Variants in ENOSF1 observed in about 807,000 individuals in gnomAD.
The protein encoded by ENOSF1 is mitochondrial enolase superfamily member 1.
ENOSF1 carries 73 observed loss-of-function variants against 68.2 expected under a neutral mutation model. The ratio of observed to expected loss-of-function variants is 1.07; its 90% CI spans 0.89 to 1.30. ENOSF1 has a LOEUF of 1.30. ENOSF1 is among the 50% of genes most tolerant of loss of function. ENOSF1 has a pLI of 0.00. For missense variants in ENOSF1, 589 were observed against 554.5 expected (o/e 1.06, Z -0.62); for synonymous variants, 223 against 210.4 (o/e 1.06, Z -0.52).
At chr18:691,492 T>C in intron 5 of ENOSF1, 1 of 521,676 alleles carries the variant, frequency 1.9e-6, no homozygotes. Flanking sequence ...ACTCCAGGTA[T>C]GTGCCACTAT....
At chr18:669,215 C>A, downstream of ENOSF1, 2 of 1,562,444 alleles carry the variant, frequency 1.3e-6, no homozygotes, top group Admixed American at 1.7e-5. Flanking sequence ...TAACCATACT[C>A]TTAGAGGGAA....
rs1598480252 is a variant in ENOSF1, at chr18:671,129, G to A, written c.*3176C>T. Reference sequence around the variant, plus strand: ...TTTTCTCAAAAGCTATGCTGAGGTTGGGTATGGTGGCTCATGCCTGTAATC... The same window carrying A: ...TTTTCTCAAAAGCTATGCTGAGGTTAGGTATGGTGGCTCATGCCTGTAATC... On this transcript the variant is annotated 3_prime_UTR_variant, in exon 16 of 16. Transcript: ENST00000647584. 3.2e-6 allele frequency: 2 copies of A among 615,398 alleles called. No homozygotes were observed. The highest frequency in any genetic ancestry group is 5.7e-6 in the Non-Finnish European group (2 of 353,888). The allele number at this position is 615,398 out of a possible 1,614,324, so 38.1% of individuals were successfully genotyped here. A position where few individuals can be genotyped will look rare whatever the true frequency, so the allele number is the denominator to read the frequency against.
chr18:705,600 G>A (rs1568134583), intron 2 of ENOSF1, among the ~76,000 whole-genome samples: 1 of 152,128 alleles, frequency 6.6e-6, no homozygotes, highest in Non-Finnish European at 1.5e-5. Flanking sequence ...CGTATACATG[G>A]CTCAGTATGC....
At position 706,503 on chromosome 18, in the gene ENOSF1, T is replaced by C; in HGVS notation, c.160A>G (p.Ile54Val). 3 of 1,613,812 alleles carry C rather than the reference T, an allele frequency of 1.9e-6. No homozygotes were observed. The highest frequency in any genetic ancestry group is 2.5e-6 in the Non-Finnish European group (3 of 1,179,804). Residue 54 changes from isoleucine (I) to valine (V), a missense_variant, in exon 2 of 16, where the codon ATT becomes GTT. Coordinates refer to ENST00000647584, the MANE Select transcript of ENOSF1 (RefSeq NM_017512.7). ...DAEDGIKGCGITFTLGKGTEV... is the reference protein window; with the variant it reads ...DAEDGIKGCGVTFTLGKGTEV... ...GTGCCTTTTCCCAGAGTGAAGGTAA[T>C]TCCACACCCCTTGATTCCATCTTCT...
chr18:701,256 G>C (rs1430134808), intron 2 of ENOSF1, among the ~76,000 whole-genome samples: 1 of 152,084 alleles, frequency 6.6e-6, no homozygotes, highest in Non-Finnish European at 1.5e-5. Flanking sequence ...AAACCTAAGA[G>C]TGACCCCTAT....
At chr18:709,886 G>A (rs942827453) in intron 1 of ENOSF1, among the ~76,000 whole-genome samples, 2 of 152,154 alleles carry the variant, frequency 1.3e-5, no homozygotes, top group African/African-American at 4.8e-5. Context: ...GGTCCAGCAT[G>A]CCTCGAGGGC....
At chr18:701,989 G>A (rs1275096685) in intron 2 of ENOSF1, among the ~76,000 whole-genome samples, 1 of 151,636 alleles carries the variant, frequency 6.6e-6, no homozygotes, top group Non-Finnish European at 1.5e-5. Context: ...AGGCATGGTG[G>A]CTTATAGCTT....
chr18:674,400 C>T lies in ENOSF1; in HGVS notation c.1237G>A (p.Gly413Ser), dbSNP rs768707575. Residue 413 changes from glycine (G) to serine (S), a missense_variant, in exon 16 of 16, where the codon GGC becomes AGC. By Grantham distance (56) the Gly-to-Ser change is moderately conservative. Transcript: ENST00000647584. ...RASYMPPKDP[G>S]YSTEMKEESV... Reference sequence around the variant, plus strand: ...TCCTCCTTCATTTCTGTTGAGTAGCCGGGATCCTATCAAAGACCAAAAAAA... The same window carrying T: ...TCCTCCTTCATTTCTGTTGAGTAGCTGGGATCCTATCAAAGACCAAAAAAA... The T allele has an allele frequency of 2.7e-5, 44 of 1,606,336 alleles. No individual in the cohort carries two copies. Among genetic ancestry groups the T allele is most frequent in the South Asian group, 1.3e-4 (12 of 89,254 alleles).
At position 697,435 on chromosome 18, in the gene ENOSF1, CAAAT is replaced by C. The variant is rs973211296; in HGVS notation, c.194-84_194-81del. On this transcript the variant is annotated intron_variant, in intron 2 of 15. Transcript: ENST00000647584. Reference sequence around the variant, plus strand: ...AGCACCTGAAAACATCACAAACAAACAAATGTGAAAGTTTTATGAAAAAATTAAA... The same window carrying C: ...AGCACCTGAAAACATCACAAACAAACGTGAAAGTTTTATGAAAAAATTAAA... 8.3e-6 allele frequency: 9 copies of C among 1,089,064 alleles called. No individual in the cohort carries two copies. The Middle Eastern group carries it at 6.2e-4, about 75-fold the overall frequency. The allele number at this position is 1,089,064 out of a possible 1,614,324, so 67.5% of individuals were successfully genotyped here.
In ENOSF1 at chr18:697,398, G is replaced by C. The variant is rs762674540; in HGVS notation, c.194-43C>G. 2.9e-6 allele frequency: 4 copies of C among 1,385,938 alleles called. No individual in the cohort carries two copies. The Admixed American group carries it at 5.8e-5, about 20-fold the overall frequency. 85.9% of individuals were successfully genotyped at this position (1,385,938 alleles called of 1,614,324 possible). On this transcript the variant is annotated intron_variant, in intron 2 of 15. Coordinates refer to ENST00000647584, the MANE Select transcript of ENOSF1 (RefSeq NM_017512.7). Reference sequence around the variant, plus strand: ...AACTCTTGTTTATGCTTCTATACTAGGTCAAGAAATTAGCACCTGAAAACA... The same window carrying C: ...AACTCTTGTTTATGCTTCTATACTACGTCAAGAAATTAGCACCTGAAAACA...
intron 9 of ENOSF1, 180 bp from the exon 10 acceptor site, chr18:686,188 T>C (rs2076598458): frequency 1.7e-6 from 1 of 594,844 alleles, no homozygotes; most frequent in East Asian, 2.8e-5. Context: ...CTTTATCTCT[T>C]CATTCAGTAT....
chr18:664,425 A>C, the ENOSF1 span, among the ~76,000 whole-genome samples: 2,820 of 145,242 alleles, frequency 0.019, 105 homozygotes, highest in African/African-American at 0.071. Flanking sequence ...GGGCTGAGAC[A>C]ATGGGGTTTT....
intron 5 of ENOSF1, chr18:692,655 AG>A: frequency 1.0e-6 from 1 of 956,692 alleles, no homozygotes; most frequent in South Asian, 4.8e-5. Context: ...TGGCATTGAA[AG>A]GGAACAGGAT....
In ENOSF1 at chr18:671,520, C is replaced by G. The variant is rs2853536; in HGVS notation, c.*2785G>C. The G allele has an allele frequency of 1.0e-6, 1 of 989,900 alleles. No homozygotes were observed. Among genetic ancestry groups the G allele is most frequent in the African/African-American group, 1.6e-5 (1 of 62,540 alleles). The allele number at this position is 989,900 out of a possible 1,614,324, so 61.3% of individuals were successfully genotyped here. A position where few individuals can be genotyped will look rare whatever the true frequency, so the allele number is the denominator to read the frequency against. The stretch of plus-strand genomic sequence containing the variant: ...GATAAAAGGTTGACTGTGGAACAGG[C>G]ATCTGCTCAATGCTGTGTCCAAGAT... On this transcript the variant is annotated 3_prime_UTR_variant, in exon 16 of 16. Coordinates refer to ENST00000647584, the MANE Select transcript of ENOSF1 (RefSeq NM_017512.7).
intron 3 of ENOSF1, among the ~76,000 whole-genome samples, chr18:695,593 A>C (rs1224686176): frequency 6.6e-6 from 1 of 152,156 alleles, no homozygotes; most frequent in Non-Finnish European, 1.5e-5. Context: ...CCTCCTTAAA[A>C]ATTTTTTATT....
At chr18:669,290 T>C (rs1008763601), downstream of ENOSF1, 9 of 712,528 alleles carry the variant, frequency 1.3e-5, no homozygotes, top group African/African-American at 1.7e-4. Context: ...CCCAGCCACA[T>C]GGTTGATTGT....
chr18:698,024 G>A (rs6506450), intron 2 of ENOSF1, among the ~76,000 whole-genome samples: 55,023 of 152,024 alleles, frequency 0.36, 10,842 homozygotes, highest in Non-Finnish European at 0.44. Flanking sequence ...AAATTACTGC[G>A]CTCAAGTGAT....
chr18:686,170 C>A (rs565866123), intron 9 of ENOSF1, 162 bp from the exon 10 acceptor site: 2 of 615,130 alleles, frequency 3.3e-6, no homozygotes, highest in Admixed American at 2.8e-5. Context: ...TTGAAATAAA[C>A]CTGGGAACTT....
At position 671,370 on chromosome 18, in the gene ENOSF1, G is replaced by A; in HGVS notation, c.*2935C>T. The stretch of plus-strand genomic sequence containing the variant: ...AACATACTGTTCTGCTTTCTCCCCC[G>A]GGTTTATAGCCAGGTGACTTTATAC... On this transcript the variant is annotated 3_prime_UTR_variant, in exon 16 of 16. Transcript: ENST00000647584. 1 of 1,590,020 alleles carries A rather than the reference G, an allele frequency of 6.3e-7. No homozygotes were observed. Among genetic ancestry groups the A allele is most frequent in the Non-Finnish European group, 8.6e-7 (1 of 1,158,138 alleles).
Sources: gnomAD v4.1 joint callset for allele counts (sites outside exome capture counted in the v4.1 genomes callset) on GRCh38, gnomAD v4.1.1 for gene constraint, MANE v1.5 for transcripts, NCBI Gene and HGNC (gene_info 2026-07-23, HGNC 2026-07-21) for gene names.